PALS1: variants seen among roughly 807,000 people sequenced by gnomAD.
PALS1 encodes the protein protein associated with LIN7 1, MAGUK p55 family member.
In PALS1, 31 loss-of-function variants were observed where a neutral mutation model predicts 78.9. The observed-to-expected ratio is 0.39, with a 90% CI of 0.30 to 0.53. The LOEUF (loss-of-function observed/expected upper bound fraction) is 0.53. Among genes scored for constraint, PALS1 ranks in the 20% least tolerant of loss-of-function variants. The pLI is 0.67. For synonymous variants in PALS1, 276 were observed against 270.9 expected (o/e 1.02, Z -0.18); for missense variants, 704 against 826.5 (o/e 0.85, Z 1.82).
chr14:67,278,038 CTTT>C (rs1227955769), intron 2 of PALS1, among the ~76,000 whole-genome samples: 4 of 138,762 alleles, frequency 2.9e-5, no homozygotes, highest in Admixed American at 1.5e-4. Context: ...AACCCCAATT[CTTT>C]TTTTTTTTTT....
At chr14:67,284,681 C>T (rs1012479518) in intron 3 of PALS1, among the ~76,000 whole-genome samples, 1 of 149,012 alleles carries the variant, frequency 6.7e-6, no homozygotes, top group African/African-American at 2.5e-5. Flanking sequence ...TTGACAACCA[C>T]GAATATACTT....
At chr14:67,302,647 A>G in intron 7 of PALS1, 76 bp downstream of exon 7, 1 of 1,140,668 alleles carries the variant, frequency 8.8e-7, no homozygotes, top group Non-Finnish European at 1.2e-6. Flanking sequence ...AAATATTTTT[A>G]AAATAACTGT....
At chr14:67,292,162 TAAAAAG>T (rs563711970) in intron 3 of PALS1, among the ~76,000 whole-genome samples, 224 of 152,208 alleles carry the variant, frequency 1.5e-3, no homozygotes, top group Non-Finnish European at 2.6e-3. Context: ...AATGTACTGT[TAAAAAG>T]GAAATAGGAT....
At chr14:67,281,320 C>T (rs1296312512) in intron 3 of PALS1, among the ~76,000 whole-genome samples, 2 of 152,144 alleles carry the variant, frequency 1.3e-5, no homozygotes, top group Non-Finnish European at 2.9e-5. Context: ...GATATGTGTT[C>T]AGTCATAGTG....
At chr14:67,296,672 C>G (rs1412715863) in intron 4 of PALS1, among the ~76,000 whole-genome samples, 1 of 146,616 alleles carries the variant, frequency 6.8e-6, no homozygotes, top group Non-Finnish European at 1.5e-5. Context: ...TGATGGATTA[C>G]TTTGGTAAAT....
intron 13 of PALS1, among the ~76,000 whole-genome samples, chr14:67,323,232 C>CATGTGT (rs57594216): frequency 3.3e-4 from 48 of 143,618 alleles, no homozygotes; most frequent in African/African-American, 1.2e-3. Flanking sequence ...CATATATACA[C>CATGTGT]GTGTGTGTGT....
intron 11 of PALS1, among the ~76,000 whole-genome samples, chr14:67,319,728 T>A (rs1033253585): frequency 6.6e-6 from 1 of 152,154 alleles, no homozygotes; most frequent in Non-Finnish European, 1.5e-5. Context: ...GGGCCACGGG[T>A]TGGACGAGCT....
chr14:67,278,117 G>T (rs1490906744), intron 2 of PALS1, among the ~76,000 whole-genome samples: 1 of 151,358 alleles, frequency 6.6e-6, no homozygotes, highest in Non-Finnish European at 1.5e-5. Flanking sequence ...GCTCACTGCG[G>T]CCTCTGCCTC....
rs2085108649 is a variant in PALS1 at position 67,312,614 on chromosome 14, G to C, written c.1129G>C (p.Asp377His). The stretch of plus-strand genomic sequence containing the variant: ...GTTAGGTCTGTCTTTTCAAAAAGGT[G>C]ATATACTTCATGTGATCAGTCAAGA... ...RELGLSFQKG[D>H]ILHVISQEDP... The change falls in exon 9 of 15, where the codon GAT becomes CAT. Residue 377 changes from aspartate (D) to histidine (H), a missense_variant. Asp to His is a moderately conservative substitution (Grantham distance 81). Transcript: ENST00000261681. 2 of 1,613,820 alleles carry C rather than the reference G, an allele frequency of 1.2e-6. No individual in the cohort carries two copies. The highest frequency in any genetic ancestry group is 2.2e-5 in the East Asian group (1 of 44,868).
At chr14:67,325,371 T>G (rs998462827) in intron 14 of PALS1, among the ~76,000 whole-genome samples, 3 of 152,204 alleles carry the variant, frequency 2.0e-5, no homozygotes, top group Admixed American at 2.0e-4. Flanking sequence ...TAATTCTGGT[T>G]GCTTTGTCTA....
intron 3 of PALS1, among the ~76,000 whole-genome samples, chr14:67,280,900 T>C (rs2084600054): frequency 7.0e-6 from 1 of 142,282 alleles, no homozygotes; most frequent in African/African-American, 2.7e-5. Context: ...CTTTTCTTTC[T>C]TTCTTTTTTT....
At chr14:67,250,544 C>T (rs2084049940) in intron 1 of PALS1, among the ~76,000 whole-genome samples, 1 of 152,166 alleles carries the variant, frequency 6.6e-6, no homozygotes, top group African/African-American at 2.4e-5. Context: ...TCTAGTTAAA[C>T]AGATTGTTTT....
chr14:67,323,615 A>ATATAT (rs368656960), intron 13 of PALS1, 87 bp from the exon 14 acceptor site: 103 of 260,318 alleles, frequency 4.0e-4, no homozygotes, highest in African/African-American at 2.0e-3. Flanking sequence ...CCCTTAATCT[A>ATATAT]ATATATATAT....
intron 2 of PALS1, among the ~76,000 whole-genome samples, chr14:67,275,073 A>G (rs1408086058): frequency 6.6e-6 from 1 of 152,206 alleles, no homozygotes; most frequent in Non-Finnish European, 1.5e-5. Context: ...AAACAGGGAC[A>G]ATTTGACTTC....
chr14:67,312,812 G>A lies in PALS1; in HGVS notation c.1225+102G>A, dbSNP rs1023103715. 9 of 936,400 alleles carry A rather than the reference G, an allele frequency of 9.6e-6. No homozygotes were observed. In the African/African-American group the frequency reaches 1.5e-4, roughly 16 times the overall value. The allele number at this position is 936,400 out of a possible 1,614,324, so 58.0% of individuals were successfully genotyped here. A position where few individuals can be genotyped will look rare whatever the true frequency, so the allele number is the denominator to read the frequency against. ...CTCTTTCATGCCTCTATTTAATAAA[G>A]TATTCCAGTTACTTTTTCGTGTAGT... is the stretch of plus-strand genomic sequence containing the variant. On this transcript the variant is annotated intron_variant, in intron 9 of 14. Transcript: ENST00000261681.
chr14:67,250,888 T>C (rs2084053929), intron 1 of PALS1, among the ~76,000 whole-genome samples: 1 of 152,252 alleles, frequency 6.6e-6, no homozygotes, highest in Non-Finnish European at 1.5e-5. Flanking sequence ...TACTTTCTGC[T>C]TTCCCCTCTT....
chr14:67,308,373 C>T (rs1163211370), intron 8 of PALS1, among the ~76,000 whole-genome samples: 1 of 149,536 alleles, frequency 6.7e-6, no homozygotes, highest in Non-Finnish European at 1.5e-5. Context: ...ATGTGATAGC[C>T]TTACCTTCAT....
chr14:67,286,855 CAA>C (rs201923149), intron 3 of PALS1, among the ~76,000 whole-genome samples: 16 of 67,172 alleles, frequency 2.4e-4, no homozygotes, highest in Non-Finnish European at 2.7e-4. Flanking sequence ...GACCTGGTCT[CAA>C]AAAAAAAAAA....
intron 1 of PALS1, 76 bp from the exon 2 acceptor site, chr14:67,269,625 T>C (rs1188096185): frequency 6.6e-6 from 1 of 152,642 alleles, no homozygotes; most frequent in East Asian, 1.9e-4. Flanking sequence ...GAATTAGTCT[T>C]TCTCTTCCTC....
Sources: allele counts gnomAD v4.1 joint callset (sites outside exome capture counted in the v4.1 genomes callset), GRCh38; gene constraint gnomAD v4.1.1; transcripts MANE v1.5; gene names NCBI Gene and HGNC (gene_info 2026-07-23, HGNC 2026-07-21).